Variants in RNF38 observed in about 807,000 individuals in gnomAD.
RNF38 encodes E3 ubiquitin-protein ligase RNF38.
RNF38 carries 15 observed loss-of-function variants against 67.2 expected under a neutral mutation model. The observed-to-expected ratio is 0.22, with a 90% CI of 0.15 to 0.34. RNF38 has a LOEUF of 0.34. Ranked by LOEUF, RNF38 falls within the 10% of genes least tolerant of loss-of-function variation. The probability of loss-of-function intolerance (pLI) is 1.00; values close to 1 mark genes in which losing one functional copy is unlikely to be tolerated. For missense variants in RNF38, 524 were observed against 639.9 expected (o/e 0.82, Z 1.95); for synonymous variants, 220 against 218.8 (o/e 1.01, Z -0.05).
intron 10 of RNF38, among the ~76,000 whole-genome samples, chr9:36,343,498 G>A (rs867882640): frequency 1.3e-5 from 2 of 152,160 alleles, no homozygotes; most frequent in Middle Eastern, 3.4e-3. Context: ...AGTAGCACAT[G>A]AAAACACACT....
At chr9:36,347,160 C>T (rs1256868213) in intron 9 of RNF38, among the ~76,000 whole-genome samples, 3 of 123,216 alleles carry the variant, frequency 2.4e-5, no homozygotes, top group Non-Finnish European at 4.8e-5. Context: ...AAGTAAATTG[C>T]CAAATTGATG....
intron 1 of RNF38, among the ~76,000 whole-genome samples, chr9:36,397,038 T>C (rs1049332441): frequency 1.3e-5 from 2 of 150,448 alleles, no homozygotes; most frequent in African/African-American, 4.9e-5. Context: ...TATACGTATA[T>C]ACGTATATAC....
At chr9:36,410,984 G>C (rs573601294) in intron 2 of RNF38, among the ~76,000 whole-genome samples, 1 of 152,242 alleles carries the variant, frequency 6.6e-6, no homozygotes, top group East Asian at 1.9e-4. Context: ...TGAATGTACT[G>C]TATGTACTTA....
intron 4 of RNF38, among the ~76,000 whole-genome samples, chr9:36,367,602 T>C (rs1290507368): frequency 1.3e-5 from 2 of 152,176 alleles, no homozygotes; most frequent in African/African-American, 2.4e-5. Context: ...AAAAAATTGT[T>C]CTCATACCTT....
chr9:36,481,061 C>T (rs1231001175), intron 1 of RNF38, among the ~76,000 whole-genome samples: 1 of 149,290 alleles, frequency 6.7e-6, no homozygotes, highest in African/African-American at 2.5e-5. Flanking sequence ...GTCACCCAGG[C>T]TGGAGTGCAA....
intron 9 of RNF38, 98 bp downstream of exon 9, chr9:36,351,017 A>G (rs1833652063): frequency 1.2e-6 from 1 of 802,680 alleles, no homozygotes; most frequent in Non-Finnish European, 2.1e-6. Context: ...TGGCCCAGGA[A>G]GCCAAAAGAT....
intron 1 of RNF38, among the ~76,000 whole-genome samples, chr9:36,471,004 A>G (rs1331100147): frequency 6.6e-6 from 1 of 152,154 alleles, no homozygotes; most frequent in African/African-American, 2.4e-5. Flanking sequence ...GCAAATCTAC[A>G]GGTGAACTAC....
upstream of RNF38, among the ~76,000 whole-genome samples, chr9:36,405,663 T>C (rs1388581007): frequency 1.3e-5 from 2 of 152,202 alleles, no homozygotes; most frequent in Non-Finnish European, 2.9e-5. Flanking sequence ...TAACTGGACT[T>C]GGAGTTAAAT....
At chr9:36,426,522 A>G (rs1177151821) in intron 1 of RNF38, among the ~76,000 whole-genome samples, 2 of 152,234 alleles carry the variant, frequency 1.3e-5, no homozygotes, top group African/African-American at 2.4e-5. Flanking sequence ...GCTAAATAAT[A>G]TTCCAGTATA....
intron 1 of RNF38, among the ~76,000 whole-genome samples, chr9:36,480,535 T>C (rs74307337): frequency 0.065 from 9,452 of 144,714 alleles, 313 homozygotes; most frequent in South Asian, 0.15. Context: ...ATGTATACAG[T>C]TTTTTTCTTT....
At chr9:36,401,143 C>T, upstream of RNF38, 3 of 985,016 alleles carry the variant, frequency 3.0e-6, no homozygotes, top group Non-Finnish European at 3.6e-6. Flanking sequence ...CCTCCCTTTT[C>T]CCCCAGGCTC....
intron 4 of RNF38, among the ~76,000 whole-genome samples, chr9:36,364,025 G>A (rs78656487): frequency 1.6e-5 from 1 of 62,306 alleles, no homozygotes; most frequent in African/African-American, 4.3e-5. Flanking sequence ...GAGATGGGGT[G>A]TCACCATGTT....
intron 4 of RNF38, 94 bp downstream of exon 4, chr9:36,369,625 T>C (rs1835225458): frequency 1.0e-6 from 1 of 980,794 alleles, no homozygotes; most frequent in African/African-American, 1.7e-5. Context: ...AGGTAAAAAC[T>C]AAAAGAAATT....
rs977566778 is a variant in RNF38, at chr9:36,373,853, G to A, written c.356+2081C>T. 1.1e-4 allele frequency among the ~76,000 whole-genome samples: 16 copies of A among 151,620 alleles called. No homozygotes were observed. The East Asian group carries it at 1.9e-3, about 18-fold the overall frequency. ...CTAGGCTGGAGTGCAATGCACACCCGGCTAATTTTGTATTTTTGGTAGAGA... is the reference window on the plus strand; with the variant it reads ...CTAGGCTGGAGTGCAATGCACACCCAGCTAATTTTGTATTTTTGGTAGAGA... On this transcript the variant is annotated intron_variant, in intron 3 of 11. Transcript: ENST00000259605.
chr9:36,431,125 C>A lies in RNF38; in HGVS notation n.242-6442G>T, dbSNP rs148747010. Among the ~76,000 whole-genome samples the A allele has an allele frequency of 9.2e-5, 14 of 152,276 alleles. No individual in the cohort carries two copies. The East Asian group carries it at 1.5e-3, about 17-fold the overall frequency. ...GGCTACAAATCAGAGGTTCCCAACA[C>A]CCCTTCTTCTGATTCAATAATTTGC... On this transcript the variant is annotated intron_variant and non_coding_transcript_variant, in intron 1 of 3. Transcript: ENST00000488058.
Position 36,439,471 on chromosome 9 carries a change from C to T in RNF38, n.242-14788G>A, listed in dbSNP as rs375746587. Among the ~76,000 whole-genome samples, 16 of 152,100 alleles carry T rather than the reference C, an allele frequency of 1.1e-4. 1 individual carries two copies. The highest frequency in any genetic ancestry group is 9.6e-4 in the East Asian group (5 of 5,186). On this transcript the variant is annotated intron_variant and non_coding_transcript_variant, in intron 1 of 3. Coordinates refer to the RNF38 transcript ENST00000488058. ...TATGACGTATGTAAAGAACACAGCA[C>T]TGTGGCACAGAAAATGGTTAATAAG...
intron 2 of RNF38, among the ~76,000 whole-genome samples, chr9:36,386,492 T>G (rs1283839456): frequency 6.6e-6 from 1 of 152,206 alleles, no homozygotes; most frequent in Non-Finnish European, 1.5e-5. Context: ...TAATTTAACT[T>G]TAGTAAATTT....
Position 36,337,670 on chromosome 9 carries a change from T to C in RNF38, c.*2082A>G, listed in dbSNP as rs1315436549. ...CATGATTTTTTTTCATTAAAAAAGA[T>C]TAAACTATATGTGATTTGTATGTAG... On this transcript the variant is annotated 3_prime_UTR_variant, in exon 12 of 12. Transcript: ENST00000259605. 1 of 152,600 alleles carries C rather than the reference T, an allele frequency of 6.6e-6. No individual in the cohort carries two copies. Among genetic ancestry groups the C allele is most frequent in the Non-Finnish European group, 1.5e-5 (1 of 68,034 alleles). 9.5% of individuals were successfully genotyped at this position (152,600 alleles called of 1,614,324 possible).
At chr9:36,417,014 A>C (rs773205646) in intron 2 of RNF38, among the ~76,000 whole-genome samples, 4 of 152,050 alleles carry the variant, frequency 2.6e-5, no homozygotes, top group Non-Finnish European at 5.9e-5. Context: ...GGCCTCCCAA[A>C]GTGCTGGGAT....
Sources: gnomAD v4.1 joint callset for allele counts (sites outside exome capture counted in the v4.1 genomes callset) on GRCh38, gnomAD v4.1.1 for gene constraint, MANE v1.5 for transcripts, NCBI Gene and HGNC (gene_info 2026-07-23, HGNC 2026-07-21) for gene names.